EXT1: variants seen among roughly 807,000 people sequenced by gnomAD.
The protein encoded by EXT1 is exostosin glycosyltransferase 1.
EXT1 carries 20 observed loss-of-function variants against 82.5 expected under a neutral mutation model. The observed-to-expected ratio is 0.24, with a 90% CI of 0.17 to 0.35. The LOEUF (loss-of-function observed/expected upper bound fraction) is 0.35, where lower values mean the gene tolerates loss of function less well. Among genes scored for constraint, EXT1 ranks in the 10% least tolerant of loss-of-function variants. The pLI, the probability that EXT1 is intolerant of heterozygous loss-of-function variation, is 1.00. For missense variants in EXT1, 757 were observed against 936.5 expected (o/e 0.81, Z 2.50); for synonymous variants, 348 against 350.8 (o/e 0.99, Z 0.09).
chr8:117,825,161 C>T lies in EXT1; in HGVS notation c.1285-2564G>A, dbSNP rs17503320. The stretch of plus-strand genomic sequence containing the variant: ...TGTTGGGACTACAGGTGTGAGCCAC[C>T]GCTCCAGACCAGAATTGATTCTGTA... On this transcript the variant is annotated intron_variant, in intron 4 of 10. Coordinates refer to ENST00000378204, the MANE Select transcript of EXT1 (RefSeq NM_000127.3). Among the ~76,000 whole-genome samples, 863 of 152,250 alleles carry T rather than the reference C, an allele frequency of 5.7e-3. 15 individuals carry two copies. Among genetic ancestry groups the T allele is most frequent in the African/African-American group, 0.019 (799 of 41,544 alleles).
intron 3 of EXT1, among the ~76,000 whole-genome samples, chr8:117,831,805 T>C (rs1242586175): frequency 6.6e-6 from 1 of 152,194 alleles, no homozygotes; most frequent in Non-Finnish European, 1.5e-5. Flanking sequence ...AGCAATAAAA[T>C]AGCTTCACAG....
At chr8:118,109,202 C>A (rs1389418956) in intron 1 of EXT1, among the ~76,000 whole-genome samples, 1 of 152,020 alleles carries the variant, frequency 6.6e-6, no homozygotes, top group Non-Finnish European at 1.5e-5. Flanking sequence ...TACTTAGCAA[C>A]TGGACAAAAC....
intron 1 of EXT1, among the ~76,000 whole-genome samples, chr8:117,906,109 T>C (rs1813539211): frequency 6.6e-6 from 1 of 152,212 alleles, no homozygotes; most frequent in South Asian, 2.1e-4. Flanking sequence ...CTTGGCTTGG[T>C]ATTCTATCCC....
intron 1 of EXT1, among the ~76,000 whole-genome samples, chr8:118,041,934 C>T (rs1245058831): frequency 1.4e-5 from 2 of 140,146 alleles, no homozygotes; most frequent in Admixed American, 7.7e-5. Flanking sequence ...GGTGACAGAG[C>T]GAGACTCTGC....
chr8:117,835,410 G>T, intron 3 of EXT1, 34 bp downstream of exon 3: 1 of 1,489,962 alleles, frequency 6.7e-7, no homozygotes, highest in Non-Finnish European at 9.4e-7. Context: ...GCAATAATCT[G>T]CTGATGTGTT....
intron 1 of EXT1, among the ~76,000 whole-genome samples, chr8:117,997,245 C>A (rs1381624153): frequency 4.8e-4 from 65 of 136,220 alleles, no homozygotes; most frequent in African/African-American, 1.6e-3. Context: ...AGTTGTCATA[C>A]TATATATATA....
At chr8:117,905,767 G>C (rs576661814) in intron 1 of EXT1, among the ~76,000 whole-genome samples, 2 of 152,214 alleles carry the variant, frequency 1.3e-5, no homozygotes, top group African/African-American at 2.4e-5. Context: ...AGCCGAGATC[G>C]CGCCACTGCA....
intron 1 of EXT1, among the ~76,000 whole-genome samples, chr8:117,892,464 G>C (rs1215319923): frequency 6.6e-6 from 1 of 152,212 alleles, no homozygotes; most frequent in African/African-American, 2.4e-5. Flanking sequence ...TGTCAACTGG[G>C]AGACTGCTGA....
At chr8:117,862,040 C>A (rs1359821381) in intron 1 of EXT1, among the ~76,000 whole-genome samples, 1 of 145,824 alleles carries the variant, frequency 6.9e-6, no homozygotes, top group Non-Finnish European at 1.5e-5. Flanking sequence ...AGAATTTGTA[C>A]GACACTGATG....
At chr8:118,095,032 ATGTAC>A (rs1817585466) in intron 1 of EXT1, among the ~76,000 whole-genome samples, 1 of 152,196 alleles carries the variant, frequency 6.6e-6, no homozygotes, top group Non-Finnish European at 1.5e-5. Flanking sequence ...ATACATGTGC[ATGTAC>A]AGATGTGACA....
intron 1 of EXT1, among the ~76,000 whole-genome samples, chr8:117,961,772 C>G (rs17453448): frequency 0.071 from 10,814 of 152,218 alleles, 911 homozygotes; most frequent in African/African-American, 0.21. Flanking sequence ...GTGCTTACAA[C>G]ATGCACACAG....
chr8:118,082,568 A>C (rs945003036), intron 1 of EXT1, among the ~76,000 whole-genome samples: 3 of 152,232 alleles, frequency 2.0e-5, no homozygotes, highest in African/African-American at 7.2e-5. Flanking sequence ...AAGATTGAGT[A>C]ATCCAAAACA....
intron 1 of EXT1, among the ~76,000 whole-genome samples, chr8:117,980,125 C>T (rs1292042500): frequency 1.3e-5 from 2 of 152,164 alleles, no homozygotes; most frequent in African/African-American, 4.8e-5. Flanking sequence ...CTTCAAGATG[C>T]CCCACAGAGA....
intron 1 of EXT1, among the ~76,000 whole-genome samples, chr8:118,052,020 C>T (rs77780593): frequency 6.6e-6 from 1 of 152,194 alleles, no homozygotes; most frequent in Non-Finnish European, 1.5e-5. Context: ...TTGAGAGTAA[C>T]AGATGAACTA....
intron 4 of EXT1, among the ~76,000 whole-genome samples, chr8:117,826,944 G>A (rs1306614387): frequency 1.3e-5 from 2 of 152,148 alleles, no homozygotes; most frequent in African/African-American, 4.8e-5. Context: ...TAGAAAAATT[G>A]AGAACTGCTA....
chr8:117,872,586 G>T (rs1477807404), intron 1 of EXT1, among the ~76,000 whole-genome samples: 1 of 152,180 alleles, frequency 6.6e-6, no homozygotes, highest in African/African-American at 2.4e-5. Flanking sequence ...ATTTTAATAT[G>T]TTTCTGATAA....
At chr8:117,980,896 T>C (rs576821552) in intron 1 of EXT1, among the ~76,000 whole-genome samples, 4 of 152,100 alleles carry the variant, frequency 2.6e-5, no homozygotes, top group Non-Finnish European at 5.9e-5. Context: ...GGCACCCCCA[T>C]GCAGCGTGAG....
chr8:117,957,079 G>A lies in EXT1; in HGVS notation c.963-119878C>T, dbSNP rs550476684. 7.2e-4 allele frequency among the ~76,000 whole-genome samples: 109 copies of A among 152,266 alleles called. 3 individuals carry two copies. The highest frequency in any genetic ancestry group is 6.8e-3 in the Middle Eastern group (2 of 294). On this transcript the variant is annotated intron_variant, in intron 1 of 10. Coordinates refer to ENST00000378204, the MANE Select transcript of EXT1 (RefSeq NM_000127.3). ...GTTCCGGGGAAGCAGTTCATGGCACGTTCTCTTTGCTTTGTGTCTTGGCGA... is the reference window on the plus strand; with the variant it reads ...GTTCCGGGGAAGCAGTTCATGGCACATTCTCTTTGCTTTGTGTCTTGGCGA...
chr8:117,868,471 A>C (rs1288103212), intron 1 of EXT1, among the ~76,000 whole-genome samples: 3 of 150,980 alleles, frequency 2.0e-5, no homozygotes, highest in Non-Finnish European at 2.9e-5. Context: ...TTTGTTTTTG[A>C]GACAGGGTCT....
Sources: gnomAD v4.1 joint callset for allele counts (sites outside exome capture counted in the v4.1 genomes callset) on GRCh38, gnomAD v4.1.1 for gene constraint, MANE v1.5 for transcripts, NCBI Gene and HGNC (gene_info 2026-07-23, HGNC 2026-07-21) for gene names.